LINGO2: variants seen among roughly 807,000 people sequenced by gnomAD.
LINGO2 encodes the protein leucine-rich repeat and immunoglobulin-like domain-containing nogo receptor-interacting protein 2.
A neutral mutation model predicts 30.6 loss-of-function variants in LINGO2; 14 were observed. That is an observed-to-expected ratio of 0.46 (90% CI 0.30 to 0.72). LINGO2 has a LOEUF of 0.72. Ranked by LOEUF, LINGO2 falls within the 30% of genes least tolerant of loss-of-function variation. The probability of loss-of-function intolerance (pLI) is 0.07; values close to 1 mark genes in which losing one functional copy is unlikely to be tolerated. For missense variants in LINGO2, 729 were observed against 751.7 expected (o/e 0.97, Z 0.35); for synonymous variants, 317 against 288.5 (o/e 1.10, Z -1.00).
chr9:29,169,542 C>T, the LINGO2 span, among the ~76,000 whole-genome samples: 1 of 152,070 alleles, frequency 6.6e-6, no homozygotes, highest in African/African-American at 2.4e-5. Context: ...CTTAATATCA[C>T]TAATCATCAG....
At chr9:28,705,131 G>A in the LINGO2 span, among the ~76,000 whole-genome samples, 1 of 151,894 alleles carries the variant, frequency 6.6e-6, no homozygotes, top group Non-Finnish European at 1.5e-5. Flanking sequence ...TGCCCAGGTT[G>A]GTCTCGAACT....
intron 2 of LINGO2, among the ~76,000 whole-genome samples, chr9:28,374,856 AC>A (rs1478895030): frequency 3.3e-5 from 5 of 152,172 alleles, no homozygotes; most frequent in Non-Finnish European, 5.9e-5. Flanking sequence ...AAATTGACCC[AC>A]CTCGACCAAA....
chr9:29,096,292 T>C, the LINGO2 span, among the ~76,000 whole-genome samples: 1 of 137,078 alleles, frequency 7.3e-6, no homozygotes, highest in Admixed American at 7.3e-5. Flanking sequence ...TTATTTTTTA[T>C]TTTTTTATTT....
the LINGO2 span, among the ~76,000 whole-genome samples, chr9:28,961,526 C>A: frequency 6.6e-6 from 1 of 152,142 alleles, no homozygotes; most frequent in Non-Finnish European, 1.5e-5. Flanking sequence ...ACTTAAACTA[C>A]AATTTATAAT....
At chr9:28,939,264 C>T in the LINGO2 span, among the ~76,000 whole-genome samples, 3 of 152,116 alleles carry the variant, frequency 2.0e-5, no homozygotes, top group Non-Finnish European at 4.4e-5. Context: ...GCTAGGACCT[C>T]CCTCAAAAAT....
At chr9:28,703,934 T>C in the LINGO2 span, among the ~76,000 whole-genome samples, 1 of 151,970 alleles carries the variant, frequency 6.6e-6, no homozygotes, top group African/African-American at 2.4e-5. Context: ...TCAAATACCT[T>C]TTTGATAATT....
intron 1 of LINGO2, among the ~76,000 whole-genome samples, chr9:28,532,763 T>C (rs1452030756): frequency 2.6e-5 from 4 of 152,052 alleles, no homozygotes; most frequent in African/African-American, 4.8e-5. Flanking sequence ...TTGTGGAGGA[T>C]TGGGGACCAG....
intron 5 of LINGO2, among the ~76,000 whole-genome samples, chr9:27,961,390 C>A (rs1280727560): frequency 6.6e-6 from 1 of 152,152 alleles, no homozygotes. Context: ...ATACTCCTCC[C>A]CTCATCCTTG....
At chr9:28,830,391 G>T in the LINGO2 span, among the ~76,000 whole-genome samples, 1 of 152,254 alleles carries the variant, frequency 6.6e-6, no homozygotes, top group East Asian at 1.9e-4. Context: ...ATTGGGGATT[G>T]CTTGTAATCA....
intron 3 of LINGO2, among the ~76,000 whole-genome samples, chr9:28,338,047 C>G (rs2134375174): frequency 6.6e-6 from 1 of 152,272 alleles, no homozygotes; most frequent in Middle Eastern, 3.4e-3. Flanking sequence ...CCTGGAAAAG[C>G]CACAGAAACT....
At chr9:27,952,602 C>T (rs1304056224) in intron 5 of LINGO2, among the ~76,000 whole-genome samples, 1 of 151,664 alleles carries the variant, frequency 6.6e-6, no homozygotes, top group Non-Finnish European at 1.5e-5. Context: ...GTCAAGAAAA[C>T]AGAAAGTAAG....
chr9:28,802,562 T>C, the LINGO2 span, among the ~76,000 whole-genome samples: 1 of 151,630 alleles, frequency 6.6e-6, no homozygotes, highest in South Asian at 2.1e-4. Context: ...ATGGTGATAA[T>C]TTCAGTGGTA....
At chr9:27,981,551 G>GAAAAAAAAAAAA (rs1279785343) in intron 5 of LINGO2, among the ~76,000 whole-genome samples, 3 of 87,140 alleles carry the variant, frequency 3.4e-5, no homozygotes, top group Admixed American at 1.2e-4. Context: ...AAAAAAAAAA[G>GAAAAAAAAAAAA]AAAAAAAAGA....
the LINGO2 span, among the ~76,000 whole-genome samples, chr9:28,941,445 A>G: frequency 6.6e-6 from 1 of 152,176 alleles, no homozygotes; most frequent in Non-Finnish European, 1.5e-5. Flanking sequence ...TGGCATTTAC[A>G]TGCTAATGAT....
the LINGO2 span, among the ~76,000 whole-genome samples, chr9:28,836,138 G>C: frequency 3.3e-5 from 5 of 152,262 alleles, no homozygotes; most frequent in African/African-American, 1.2e-4. Flanking sequence ...CCAAACTGCG[G>C]AGTAAGAAAT....
At chr9:28,738,849 T>C in the LINGO2 span, among the ~76,000 whole-genome samples, 1 of 152,062 alleles carries the variant, frequency 6.6e-6, no homozygotes, top group African/African-American at 2.4e-5. Flanking sequence ...TAAATATATT[T>C]GATAACACAT....
chr9:29,150,887 T>G, the LINGO2 span, among the ~76,000 whole-genome samples: 5 of 152,048 alleles, frequency 3.3e-5, no homozygotes, highest in South Asian at 8.3e-4. Context: ...ACATGCACAT[T>G]CAGTAAATTC....
the LINGO2 span, among the ~76,000 whole-genome samples, chr9:29,199,518 G>A: frequency 2.6e-5 from 4 of 152,094 alleles, no homozygotes; most frequent in Admixed American, 6.6e-5. Context: ...AACCCTAGAA[G>A]AGTCAGAGGC....
chr9:29,006,421 T>A, the LINGO2 span, among the ~76,000 whole-genome samples: 1 of 151,968 alleles, frequency 6.6e-6, no homozygotes, highest in Admixed American at 6.6e-5. Context: ...AATTCATGCA[T>A]CTCTTTAATT....
Sources: allele counts gnomAD v4.1 joint callset (sites outside exome capture counted in the v4.1 genomes callset), GRCh38; gene constraint gnomAD v4.1.1; transcripts MANE v1.5; gene names NCBI Gene and HGNC (gene_info 2026-07-23, HGNC 2026-07-21).